CCDC150: variants seen among roughly 807,000 people sequenced by gnomAD.
CCDC150 encodes the protein coiled-coil domain-containing protein 150.
Under a neutral mutation model 156.5 loss-of-function variants are expected in CCDC150, and 151 were observed. That is an observed-to-expected ratio of 0.97 (90% CI 0.85 to 1.10). CCDC150 has a LOEUF of 1.10. Ranked by LOEUF, CCDC150 falls within the 50% of genes least tolerant of loss-of-function variation. The probability of loss-of-function intolerance (pLI) is 0.00; values close to 1 mark genes in which losing one functional copy is unlikely to be tolerated. For missense variants in CCDC150, 1,312 were observed against 1,268.1 expected (o/e 1.03, Z -0.53); for synonymous variants, 452 against 429.4 (o/e 1.05, Z -0.65).
chr2:196,717,911 A>T (rs886506541), intron 17 of CCDC150, among the ~76,000 whole-genome samples: 13 of 152,030 alleles, frequency 8.6e-5, no homozygotes, highest in African/African-American at 3.1e-4. Context: ...AAGCAGGATG[A>T]AGGGTACATC....
At chr2:196,701,469 C>A (rs1193985723) in intron 15 of CCDC150, among the ~76,000 whole-genome samples, 1 of 152,174 alleles carries the variant, frequency 6.6e-6, no homozygotes, top group East Asian at 1.9e-4. Context: ...GCCTATACCT[C>A]TTTTTGCTGA....
At chr2:196,672,724 T>A (rs946902815) in intron 9 of CCDC150, among the ~76,000 whole-genome samples, 1 of 152,208 alleles carries the variant, frequency 6.6e-6, no homozygotes, top group Non-Finnish European at 1.5e-5. Context: ...ATTAAATATA[T>A]GTATTTCCCC....
chr2:196,666,366 T>A (rs1693838848), intron 6 of CCDC150, among the ~76,000 whole-genome samples: 1 of 152,230 alleles, frequency 6.6e-6, no homozygotes, highest in African/African-American at 2.4e-5. Flanking sequence ...CTTTAGGAAT[T>A]GCAAATGATC....
At chr2:196,697,720 A>G (rs910288648) in intron 14 of CCDC150, among the ~76,000 whole-genome samples, 2 of 152,194 alleles carry the variant, frequency 1.3e-5, no homozygotes, top group Non-Finnish European at 2.9e-5. Flanking sequence ...AATGCTTACA[A>G]TCTGCTTATA....
In CCDC150 at chr2:196,713,077, C is replaced by A. The variant is rs1471293627; in HGVS notation, c.1866+338C>A. 11 of 483,148 alleles carry A rather than the reference C, an allele frequency of 2.3e-5. No individual in the cohort carries two copies. The East Asian group carries it at 3.4e-4, about 15-fold the overall frequency. The allele number at this position is 483,148 out of a possible 1,614,324, so 29.9% of individuals were successfully genotyped here. On this transcript the variant is annotated intron_variant, in intron 17 of 27. Transcript: ENST00000389175. ...AAATGGAATACTCATAGAGTTCTAACCACTTGACTCTGCTGATGAGTGATG... is the reference window on the plus strand; with the variant it reads ...AAATGGAATACTCATAGAGTTCTAAACACTTGACTCTGCTGATGAGTGATG...
At chr2:196,668,295 T>TAAAAA (rs55945331) in intron 7 of CCDC150, among the ~76,000 whole-genome samples, 1 of 92,254 alleles carries the variant, frequency 1.1e-5, no homozygotes, top group African/African-American at 3.9e-5. Flanking sequence ...AAACTCCATC[T>TAAAAA]AAAAAAAAAA....
chr2:196,647,206 T>A (rs537823952), intron 2 of CCDC150, among the ~76,000 whole-genome samples: 4 of 152,252 alleles, frequency 2.6e-5, no homozygotes, highest in Non-Finnish European at 5.9e-5. Context: ...ATGTTGAGCA[T>A]GTTGGTAACA....
chr2:196,680,390 C>A (rs963759060), intron 13 of CCDC150, among the ~76,000 whole-genome samples: 3 of 152,130 alleles, frequency 2.0e-5, no homozygotes, highest in East Asian at 1.9e-4. Flanking sequence ...TCCACCCCCC[C>A]AGGCTCAGGT....
intron 17 of CCDC150, among the ~76,000 whole-genome samples, chr2:196,716,077 G>A (rs750185746): frequency 1.3e-5 from 2 of 152,204 alleles, no homozygotes; most frequent in African/African-American, 2.4e-5. Context: ...GCAAAGTTAT[G>A]TGGCTGGTAA....
rs73045544 is a variant in CCDC150, at chr2:196,699,058, A to G, written c.1624-2051A>G. 5.5e-3 allele frequency among the ~76,000 whole-genome samples: 836 copies of G among 152,360 alleles called. 10 individuals are homozygous for G. Among genetic ancestry groups the G allele is most frequent in the African/African-American group, 0.019 (800 of 41,588 alleles). The stretch of plus-strand genomic sequence containing the variant: ...TTCCCAAAACAGATAACATTTTGGC[A>G]AAGAGCACTGTGTTTTCCGCAAAAA... On this transcript the variant is annotated intron_variant, in intron 14 of 27. Coordinates refer to ENST00000389175, the MANE Select transcript of CCDC150 (RefSeq NM_001080539.2).
intron 8 of CCDC150, among the ~76,000 whole-genome samples, chr2:196,671,717 C>G (rs554405269): frequency 6.6e-6 from 1 of 152,100 alleles, no homozygotes; most frequent in Non-Finnish European, 1.5e-5. Context: ...GATGAGCCAT[C>G]GTGCCTGGCT....
At position 196,675,762 on chromosome 2, in the gene CCDC150, C is replaced by T. The variant is rs1161881673; in HGVS notation, c.1138-381C>T. On this transcript the variant is annotated intron_variant, in intron 10 of 27. Transcript: ENST00000389175. ...AGATAGAGAGGAAAGGATCTTTTCA[C>T]TTTATATACATTTATATTGTTTTAC... Among the ~76,000 whole-genome samples the T allele has an allele frequency of 1.2e-4, 18 of 152,198 alleles. No individual in the cohort carries two copies. The South Asian group carries it at 3.7e-3, about 32-fold the overall frequency.
At position 196,719,662 on chromosome 2, in the gene CCDC150, G is replaced by C. The variant is rs755583923; in HGVS notation, c.2161G>C (p.Glu721Gln). Reference protein sequence around the residue: ...RDSEIAGLKKERDLNQQRVQK... With the variant: ...RDSEIAGLKKQRDLNQQRVQK... ...TTCAGAGATTGCAGGCCTCAAGAAA[G>C]AAAGGTACCTGTGGTTTTTTTTCCC... The change falls in exon 19 of 28, where the codon GAA becomes CAA. Residue 721 changes from glutamate (E) to glutamine (Q), a missense_variant. By Grantham distance (29) the Glu-to-Gln change is conservative (BLOSUM62 2). Transcript: ENST00000389175. 2 of 1,605,250 alleles carry C rather than the reference G, an allele frequency of 1.2e-6. No individual in the cohort carries two copies. The highest frequency in any genetic ancestry group is 1.7e-5 in the Admixed American group (1 of 58,590).
Position 196,658,835 on chromosome 2 carries a change from G to A in CCDC150, c.620G>A (p.Arg207His), listed in dbSNP as rs761071958. ...IIEEELKTTK[R>H]KMNLKIQELR... ...GAAGAGGAACTGAAGACCACAAAAC[G>A]TAAAATGAACCTTAAAATTCAAGAG... Residue 207 changes from arginine to histidine, a missense_variant, in exon 5 of 28, where the codon CGT becomes CAT. Transcript: ENST00000389175. 19 of 1,605,258 alleles carry A rather than the reference G, an allele frequency of 1.2e-5. No homozygotes were observed. The highest frequency in any genetic ancestry group is 1.6e-4 in the Middle Eastern group (1 of 6,074).
intron 22 of CCDC150, chr2:196,727,009 A>C (rs972282827): frequency 3.9e-5 from 6 of 152,280 alleles, no homozygotes; most frequent in Non-Finnish European, 8.8e-5. Context: ...GAGGCTCGAG[A>C]AAACTATAAC....
rs762812680 is a variant in CCDC150, at chr2:196,677,328, A to G, written c.1476A>G (p.Arg492=). Reference sequence around the variant, plus strand: ...CAGAAAAAGAAATAGTGCAAGAAAGATGCAATTTGGAAAAGGAATTAGCTA... The same window carrying G: ...CAGAAAAAGAAATAGTGCAAGAAAGGTGCAATTTGGAAAAGGAATTAGCTA... ...NKTEKEIVQE[R]CNLEKELAKN... Residue 492 remains arginine (R), a synonymous_variant, in exon 13 of 28, where the codon AGA becomes AGG. Coordinates refer to ENST00000389175, the MANE Select transcript of CCDC150 (RefSeq NM_001080539.2). 9 of 1,569,170 alleles carry G rather than the reference A, an allele frequency of 5.7e-6. No homozygotes were observed. The highest frequency in any genetic ancestry group is 1.2e-5 in the South Asian group (1 of 85,148).
chr2:196,729,746 G>C (rs1197383970), intron 23 of CCDC150, 47 bp from the exon 24 acceptor site: 6 of 1,327,798 alleles, frequency 4.5e-6, no homozygotes, highest in African/African-American at 2.9e-5. Context: ...GAGCAAGCCA[G>C]TTTTTCCACT....
intron 18 of CCDC150, among the ~76,000 whole-genome samples, 182 bp downstream of exon 18, chr2:196,718,813 A>T (rs1243323592): frequency 6.6e-6 from 1 of 152,132 alleles, no homozygotes; most frequent in Non-Finnish European, 1.5e-5. Flanking sequence ...AAAATACATT[A>T]TATGTATCTA....
chr2:196,654,414 T>A (rs1408473428), intron 2 of CCDC150, among the ~76,000 whole-genome samples: 2 of 152,098 alleles, frequency 1.3e-5, no homozygotes, highest in Admixed American at 6.5e-5. Flanking sequence ...ATAAGTTCCA[T>A]AAGCTATCTT....
Sources: allele counts gnomAD v4.1 joint callset (sites outside exome capture counted in the v4.1 genomes callset), GRCh38; gene constraint gnomAD v4.1.1; transcripts MANE v1.5; gene names NCBI Gene and HGNC (gene_info 2026-07-23, HGNC 2026-07-21).